HERPUD1: variants seen among roughly 807,000 people sequenced by gnomAD.
The protein encoded by HERPUD1 is homocysteine-responsive endoplasmic reticulum-resident ubiquitin-like domain member 1 protein.
Under a neutral mutation model 45.0 loss-of-function variants are expected in HERPUD1, and 17 were observed. The ratio of observed to expected loss-of-function variants is 0.38; its 90% confidence interval spans 0.26 to 0.57. The LOEUF (loss-of-function observed/expected upper bound fraction) is 0.57. HERPUD1 is among the 20% of genes least tolerant of loss of function. The probability of loss-of-function intolerance (pLI) is 0.72; values close to 1 mark genes in which losing one functional copy is unlikely to be tolerated. For missense variants in HERPUD1, 420 were observed against 490.5 expected, an observed-to-expected ratio of 0.86 and a Z score of 1.36; for synonymous variants, 164 against 177.5, an observed-to-expected ratio of 0.92 and a Z score of 0.61.
Position 56,940,076 on chromosome 16 carries a change from A to T in HERPUD1, c.736A>T (p.Met246Leu). The change falls in exon 6 of 8, where the codon ATG becomes TTG. Residue 246 changes from methionine to leucine, a missense_variant. Physicochemically the swap from Met to Leu is conservative, Grantham distance 15. Coordinates refer to ENST00000439977, the MANE Select transcript of HERPUD1 (RefSeq NM_014685.4). ...TCCTGGAGCCAATCAAAATTTGCGGATGAATGCACAAGGTGGCCCTATTGT... is the reference window on the plus strand; with the variant it reads ...TCCTGGAGCCAATCAAAATTTGCGGTTGAATGCACAAGGTGGCCCTATTGT... ...VNPGANQNLR[M>L]NAQGGPIVEE... is the part of the protein sequence containing the mutation. The T allele has an allele frequency of 7.4e-6, 12 of 1,614,232 alleles. No homozygotes were observed. The highest frequency in any genetic ancestry group is 1.0e-5 in the Non-Finnish European group (12 of 1,180,040).
chr16:56,933,641 G>C (rs747682770), intron 1 of HERPUD1, among the ~76,000 whole-genome samples: 3 of 152,194 alleles, frequency 2.0e-5, no homozygotes, highest in Admixed American at 6.5e-5. Flanking sequence ...ATACAAATTT[G>C]TGTCTAAAAA....
At chr16:56,936,479 A>C (rs1328706463) in intron 3 of HERPUD1, 18 of 343,260 alleles carry the variant, frequency 5.2e-5, no homozygotes, top group African/African-American at 3.8e-4. Context: ...TAGGGAAAAA[A>C]TATGAATATT....
rs2144812569 is a variant in HERPUD1, at chr16:56,932,166, G to GC, written c.-78dup. ...CGCCCCAGAGACGTGAACTGTCGTT[G>GC]CAGAGATTGCGGGCGGCTGAGACGC... On this transcript the variant is annotated 5_prime_UTR_variant, in exon 1 of 8. Coordinates refer to ENST00000439977, the MANE Select transcript of HERPUD1 (RefSeq NM_014685.4). The GC allele has an allele frequency of 6.4e-7, 1 of 1,562,334 alleles. No individual in the cohort carries two copies. Among genetic ancestry groups the GC allele is most frequent in the African/African-American group, 1.3e-5 (1 of 74,170 alleles).
chr16:56,940,360 C>A, intron 6 of HERPUD1, 115 bp downstream of exon 6: 1 of 741,218 alleles, frequency 1.3e-6, no homozygotes, highest in South Asian at 1.8e-5. Flanking sequence ...GTCATTCAGG[C>A]TGGAGTACAA....
At position 56,937,019 on chromosome 16, in the gene HERPUD1, A is replaced by G. The variant is rs1596979195; in HGVS notation, c.431+202A>G. ...AGCCTTTTAGTACACACAAATTTAA[A>G]AAGTAGGTAATGCATATATTGAAAA... On this transcript the variant is annotated intron_variant, in intron 4 of 7. Coordinates refer to ENST00000439977, the MANE Select transcript of HERPUD1 (RefSeq NM_014685.4). 3 of 425,778 alleles carry G rather than the reference A, an allele frequency of 7.0e-6. No individual in the cohort carries two copies. In the East Asian group the frequency reaches 1.2e-4, roughly 17 times the overall value. The allele number at this position is 425,778 out of a possible 1,614,324, so 26.4% of individuals were successfully genotyped here.
rs1210820131 is a variant in HERPUD1, at chr16:56,940,085, C to G, written c.745C>G (p.Gln249Glu). 20 of 1,614,070 alleles carry G rather than the reference C, an allele frequency of 1.2e-5. No homozygotes were observed. The highest frequency in any genetic ancestry group is 1.6e-5 in the Non-Finnish European group (19 of 1,180,044). Residue 249 changes from glutamine to glutamate, a missense_variant, in exon 6 of 8, where the codon CAA (glutamine) becomes GAA (glutamate). Transcript: ENST00000439977. ...GANQNLRMNA[Q>E]GGPIVEEDDE... ...CAATCAAAATTTGCGGATGAATGCA[C>G]AAGGTGGCCCTATTGTGGAAGAAGA...
Position 56,935,441 on chromosome 16 carries a change from A to G in HERPUD1, c.266A>G (p.Lys89Arg). The change falls in exon 3 of 8, where the codon AAG becomes AGG. Residue 89 changes from lysine to arginine, a missense_variant. Transcript: ENST00000439977. The stretch of plus-strand genomic sequence containing the variant: ...GTTTTGCATCTGGTGTGCAATGTGA[A>G]GAGTCCTTCAAAAATGCCAGAAATC... ...RHVLHLVCNV[K>R]SPSKMPEINA... The G allele has an allele frequency of 6.2e-7, 1 of 1,614,228 alleles. No individual in the cohort carries two copies.
In HERPUD1 at chr16:56,943,326, G is replaced by A. The variant is rs1193923778; in HGVS notation, c.*36G>A. On this transcript the variant is annotated 3_prime_UTR_variant, in exon 8 of 8. Transcript: ENST00000439977. ...GCTGTAGCTGTTGGAGGCTTTGACA[G>A]GAATGGACTGGATCACCTGACTCCA... 1.9e-6 allele frequency: 3 copies of A among 1,611,622 alleles called. No individual in the cohort carries two copies. Among genetic ancestry groups the A allele is most frequent in the Non-Finnish European group, 1.7e-6 (2 of 1,177,814 alleles).
At chr16:56,943,091 A>T (rs1279205957) in intron 7 of HERPUD1, 35 bp from the exon 8 acceptor site, 1 of 1,604,508 alleles carries the variant, frequency 6.2e-7, no homozygotes, top group Non-Finnish European at 8.5e-7. Flanking sequence ...TTGTTTTCTC[A>T]TTGTTTCATT....
chr16:56,940,977 T>C (rs1351309351), intron 6 of HERPUD1: 1 of 152,086 alleles, frequency 6.6e-6, no homozygotes, highest in African/African-American at 2.4e-5. Flanking sequence ...ACATAATAAA[T>C]AGTATGTATT....
chr16:56,933,432 C>A, intron 1 of HERPUD1: 1 of 437,694 alleles, frequency 2.3e-6, no homozygotes, highest in South Asian at 1.6e-5. Flanking sequence ...TAGCTGCTTC[C>A]AAGAAACTGG....
At chr16:56,932,527 G>T in intron 1 of HERPUD1, 136 bp downstream of exon 1, 1 of 828,370 alleles carries the variant, frequency 1.2e-6, no homozygotes, top group Non-Finnish European at 1.8e-6. Flanking sequence ...CTCCCCCAGG[G>T]CTGTGGTCTC....
intron 7 of HERPUD1, 126 bp downstream of exon 7, chr16:56,942,363 A>G: frequency 1.6e-6 from 1 of 628,290 alleles, no homozygotes. Flanking sequence ...TGATTTGTTC[A>G]CATTTCTTCT....
At chr16:56,943,051 A>G in intron 7 of HERPUD1, 75 bp from the exon 8 acceptor site, 1 of 1,473,202 alleles carries the variant, frequency 6.8e-7, no homozygotes, top group Non-Finnish European at 9.4e-7. Flanking sequence ...GCCCTTTCCT[A>G]ACATTATTTG....
intron 1 of HERPUD1, among the ~76,000 whole-genome samples, chr16:56,933,483 T>C (rs1383368390): frequency 1.3e-5 from 2 of 152,166 alleles, no homozygotes; most frequent in African/African-American, 4.8e-5. Flanking sequence ...GGTACACAAA[T>C]TGGTGAAGCA....
Position 56,939,373 on chromosome 16 carries a change from G to A in HERPUD1, c.554+14G>A, listed in dbSNP as rs894820543. 7.4e-6 allele frequency: 12 copies of A among 1,613,826 alleles called. No individual in the cohort carries two copies. Among genetic ancestry groups the A allele is most frequent in the South Asian group, 2.2e-5 (2 of 91,042 alleles). ...CTACATGCAATAGTGAGTCCTTCCC[G>A]CCATGCTGGGTGTGGCCAGGGCTCC... On this transcript the variant is annotated intron_variant, in intron 5 of 7. Coordinates refer to ENST00000439977, the MANE Select transcript of HERPUD1 (RefSeq NM_014685.4).
chr16:56,940,586 G>A (rs1301079507), intron 6 of HERPUD1, among the ~76,000 whole-genome samples: 5 of 152,050 alleles, frequency 3.3e-5, no homozygotes, highest in Admixed American at 1.3e-4. Flanking sequence ...TATTACAGGC[G>A]TGAGCCACCA....
intron 7 of HERPUD1, among the ~76,000 whole-genome samples, 160 bp downstream of exon 7, chr16:56,942,397 C>T (rs1048293994): frequency 3.3e-5 from 5 of 152,180 alleles, no homozygotes; most frequent in Non-Finnish European, 5.9e-5. Flanking sequence ...ATTTTTAAAA[C>T]GTCGAATGTG....
At chr16:56,940,536 C>T (rs755173607) in intron 6 of HERPUD1, 1 of 320,480 alleles carries the variant, frequency 3.1e-6, no homozygotes, top group Non-Finnish European at 5.8e-6. Flanking sequence ...GAACTCCTGA[C>T]CTCAAGTGAT....
Sources: gnomAD v4.1 joint callset for allele counts (sites outside exome capture counted in the v4.1 genomes callset) on GRCh38, gnomAD v4.1.1 for gene constraint, MANE v1.5 for transcripts, NCBI Gene and HGNC (gene_info 2026-07-23, HGNC 2026-07-21) for gene names.